The following DPYD variants were observed in gnomAD, a reference collection of about 807,000 sequenced individuals.
DPYD encodes dihydropyrimidine dehydrogenase.
A neutral mutation model predicts 116.2 loss-of-function variants in DPYD; 109 were observed. The observed-to-expected ratio is 0.94, with a 90% CI of 0.80 to 1.10. The LOEUF is 1.10. Ranked by LOEUF, DPYD falls within the 50% of genes least tolerant of loss-of-function variation. The pLI, the probability that DPYD is intolerant of heterozygous loss-of-function variation, is 0.00. For synonymous variants in DPYD, 440 were observed against 432.0 expected, an observed-to-expected ratio of 1.02 and a Z score of -0.23; for missense variants, 1,302 against 1,254.5, an observed-to-expected ratio of 1.04 and a Z score of -0.57.
At chr1:97,408,951 G>C (rs1055737465) in intron 14 of DPYD, among the ~76,000 whole-genome samples, 2 of 152,094 alleles carry the variant, frequency 1.3e-5, no homozygotes, top group African/African-American at 4.8e-5. Context: ...TCCACAGACT[G>C]AAGGCTGCAC....
At chr1:97,382,092 A>C (rs1241926041) in intron 15 of DPYD, among the ~76,000 whole-genome samples, 2 of 152,210 alleles carry the variant, frequency 1.3e-5, no homozygotes, top group African/African-American at 4.8e-5. Context: ...CATGGCATCC[A>C]TCATAATATA....
rs34390188 is a variant in DPYD at position 97,767,755 on chromosome 1, C to CTTTTTT, written c.234-27282_234-27277dup. Among the ~76,000 whole-genome samples the CTTTTTT allele has an allele frequency of 2.8e-4, 32 of 112,440 alleles. 2 individuals are homozygous for CTTTTTT. Among genetic ancestry groups the CTTTTTT allele is most frequent in the African/African-American group, 5.9e-4 (18 of 30,712 alleles). 73.8% of individuals were successfully genotyped at this position (112,440 alleles called of 152,430 possible). On this transcript the variant is annotated intron_variant, in intron 3 of 22. Coordinates refer to ENST00000370192, the MANE Select transcript of DPYD (RefSeq NM_000110.4). ...TTGAAGCCACTGAGTTTGGGGCTGG[C>CTTTTTT]TTTTTTTTTTTTTTTTTTTTGCAGC...
intron 16 of DPYD, among the ~76,000 whole-genome samples, chr1:97,334,068 G>A (rs1669164945): frequency 6.6e-6 from 1 of 152,110 alleles, no homozygotes; most frequent in South Asian, 2.1e-4. Context: ...AAATATTTCA[G>A]TTACACTTTA....
intron 20 of DPYD, among the ~76,000 whole-genome samples, chr1:97,156,105 T>A (rs1400460946): frequency 1.3e-5 from 2 of 152,196 alleles, no homozygotes; most frequent in Non-Finnish European, 2.9e-5. Context: ...TTTCAAATAA[T>A]GTTTTAAATA....
chr1:97,139,567 G>T (rs1460232241), intron 20 of DPYD, among the ~76,000 whole-genome samples: 1 of 152,118 alleles, frequency 6.6e-6, no homozygotes. Context: ...ACCAACTGAA[G>T]TATCATTACA....
intron 11 of DPYD, among the ~76,000 whole-genome samples, chr1:97,564,275 T>C (rs1162183738): frequency 1.3e-5 from 2 of 152,122 alleles, no homozygotes; most frequent in Non-Finnish European, 2.9e-5. Context: ...ATAACCTCCT[T>C]AAAATATTTA....
Position 97,349,208 on chromosome 1 carries a change from T to A in DPYD, c.2058+24353A>T, listed in dbSNP as rs184070728. On this transcript the variant is annotated intron_variant, in intron 16 of 22. Coordinates refer to ENST00000370192, the MANE Select transcript of DPYD (RefSeq NM_000110.4). ...ATTAAATAATATAATCTACTTAAAATGTTAACCATTTCCTGGCATAAAATA... is the reference window on the plus strand; with the variant it reads ...ATTAAATAATATAATCTACTTAAAAAGTTAACCATTTCCTGGCATAAAATA... 3.5e-3 allele frequency among the ~76,000 whole-genome samples: 531 copies of A among 152,202 alleles called. 4 individuals are homozygous for A. Among genetic ancestry groups the A allele is most frequent in the African/African-American group, 0.012 (495 of 41,536 alleles).
At chr1:97,443,454 T>C (rs750676198) in intron 14 of DPYD, among the ~76,000 whole-genome samples, 2 of 152,196 alleles carry the variant, frequency 1.3e-5, no homozygotes, top group Non-Finnish European at 2.9e-5. Flanking sequence ...TTCCCTTCAA[T>C]AGTTGCTTCA....
intron 1 of DPYD, among the ~76,000 whole-genome samples, chr1:97,885,676 T>C (rs563964019): frequency 6.6e-6 from 1 of 152,156 alleles, no homozygotes; most frequent in Non-Finnish European, 1.5e-5. Context: ...TCTCAATACT[T>C]AGGATGAGCA....
intron 14 of DPYD, among the ~76,000 whole-genome samples, chr1:97,400,610 A>T (rs1673314171): frequency 6.6e-6 from 1 of 152,152 alleles, no homozygotes; most frequent in African/African-American, 2.4e-5. Context: ...GCTATTAATT[A>T]TTGCCTCAAT....
chr1:97,850,559 G>A (rs1007437181), intron 2 of DPYD, among the ~76,000 whole-genome samples: 6 of 149,034 alleles, frequency 4.0e-5, no homozygotes, highest in East Asian at 2.0e-4. Flanking sequence ...AGTAGAATCC[G>A]GTTTTAAATA....
chr1:97,358,312 G>T (rs894701816), intron 16 of DPYD, among the ~76,000 whole-genome samples: 2 of 152,192 alleles, frequency 1.3e-5, no homozygotes, highest in Admixed American at 1.3e-4. Context: ...GCTAGAACTC[G>T]GTGGAGCCCA....
At chr1:97,352,219 G>A (rs571710954) in intron 16 of DPYD, among the ~76,000 whole-genome samples, 3 of 152,284 alleles carry the variant, frequency 2.0e-5, no homozygotes, top group South Asian at 4.1e-4. Context: ...CCAATGTGGC[G>A]TGTCCACACA....
chr1:97,854,477 C>T (rs1485473498), intron 2 of DPYD, among the ~76,000 whole-genome samples: 1 of 152,200 alleles, frequency 6.6e-6, no homozygotes, highest in Admixed American at 6.5e-5. Flanking sequence ...GGTGCCCCAA[C>T]ACTCCTACCA....
chr1:97,667,966 A>C (rs935879380), intron 8 of DPYD, among the ~76,000 whole-genome samples: 1 of 152,162 alleles, frequency 6.6e-6, no homozygotes, highest in African/African-American at 2.4e-5. Flanking sequence ...CACACAAAAT[A>C]TATAATGTAT....
chr1:97,693,656 C>G (rs1403869266), intron 6 of DPYD, among the ~76,000 whole-genome samples: 1 of 152,144 alleles, frequency 6.6e-6, no homozygotes, highest in Non-Finnish European at 1.5e-5. Flanking sequence ...AAACTGGGCA[C>G]TGATGCAGAT....
At chr1:97,366,418 C>T (rs961873078) in intron 16 of DPYD, among the ~76,000 whole-genome samples, 11 of 152,060 alleles carry the variant, frequency 7.2e-5, no homozygotes, top group Admixed American at 6.6e-5. Flanking sequence ...GTCACTTTTG[C>T]AGAAGCTTAT....
intron 19 of DPYD, among the ~76,000 whole-genome samples, chr1:97,194,837 C>G (rs1036125390): frequency 1.1e-4 from 17 of 151,850 alleles, no homozygotes; most frequent in African/African-American, 4.1e-4. Flanking sequence ...TGAGAATGGA[C>G]TATTACAAAA....
chr1:97,203,971 G>T (rs1026315115), intron 19 of DPYD, among the ~76,000 whole-genome samples: 4 of 151,974 alleles, frequency 2.6e-5, no homozygotes, highest in African/African-American at 7.2e-5. Flanking sequence ...AGTACAACTT[G>T]GCTGTTATCA....
Sources: gnomAD v4.1 joint callset for allele counts (sites outside exome capture counted in the v4.1 genomes callset) on GRCh38, gnomAD v4.1.1 for gene constraint, MANE v1.5 for transcripts, NCBI Gene and HGNC (gene_info 2026-07-23, HGNC 2026-07-21) for gene names.